NARS2: variants seen among roughly 807,000 people sequenced by gnomAD.
The protein encoded by NARS2 is asparaginyl-tRNA synthetase.
A neutral mutation model predicts 62.9 loss-of-function variants in NARS2; 60 were observed. The observed-to-expected ratio is 0.95, with a 90% confidence interval of 0.77 to 1.18. NARS2 has a LOEUF of 1.18. Among genes scored for constraint, NARS2 ranks in the 50% most tolerant of loss-of-function variants. The probability of loss-of-function intolerance (pLI) is 0.00; values close to 1 mark genes in which losing one functional copy is unlikely to be tolerated. For synonymous variants in NARS2, 196 were observed against 200.0 expected (o/e 0.98, Z 0.17); for missense variants, 619 against 576.4 (o/e 1.07, Z -0.76).
intron 5 of NARS2, among the ~76,000 whole-genome samples, chr11:78,538,558 C>A (rs980321514): frequency 2.0e-5 from 3 of 152,078 alleles, no homozygotes; most frequent in Non-Finnish European, 4.4e-5. Context: ...AAGAATGTAT[C>A]TGCTATACTA....
intron 6 of NARS2, among the ~76,000 whole-genome samples, chr11:78,505,054 T>C (rs1237497078): frequency 2.0e-5 from 3 of 151,130 alleles, no homozygotes; most frequent in Non-Finnish European, 4.4e-5. Flanking sequence ...TTTTACAATT[T>C]TGACTTAAAA....
chr11:78,497,119 G>A (rs552751258), intron 6 of NARS2, among the ~76,000 whole-genome samples: 106 of 151,042 alleles, frequency 7.0e-4, no homozygotes, highest in African/African-American at 2.5e-3. Flanking sequence ...ATGAAGAGAG[G>A]AAAGCTATAT....
chr11:78,436,541 A>T lies in NARS2; in HGVS notation c.*129T>A, dbSNP rs973128003. 2 of 1,107,024 alleles carry T rather than the reference A, an allele frequency of 1.8e-6. No individual in the cohort carries two copies. Among genetic ancestry groups the T allele is most frequent in the Non-Finnish European group, 2.6e-6 (2 of 782,820 alleles). 68.6% of individuals were successfully genotyped at this position (1,107,024 alleles called of 1,614,324 possible). ...CACAACCACTTATATTTTTTCTATG[A>T]TATCTTATGGCACAACAATTACATA... On this transcript the variant is annotated 3_prime_UTR_variant, in exon 14 of 14. Transcript: ENST00000281038.
At chr11:78,502,715 G>A (rs772891275) in intron 6 of NARS2, among the ~76,000 whole-genome samples, 22 of 152,164 alleles carry the variant, frequency 1.4e-4, no homozygotes, top group Non-Finnish European at 1.6e-4. Flanking sequence ...CTGAGGCCAG[G>A]CGCGGCGCCT....
chr11:78,470,991 T>C (rs1179301972), intron 9 of NARS2, among the ~76,000 whole-genome samples: 1 of 151,400 alleles, frequency 6.6e-6, no homozygotes, highest in Non-Finnish European at 1.5e-5. Context: ...AAAAATGAAG[T>C]TCATATCCAT....
chr11:78,533,622 T>C (rs1286261656), intron 5 of NARS2, among the ~76,000 whole-genome samples: 1 of 152,206 alleles, frequency 6.6e-6, no homozygotes, highest in African/African-American at 2.4e-5. Flanking sequence ...CAAGGGGAAC[T>C]GTACCTCCTG....
chr11:78,439,981 A>G (rs1244280243), intron 13 of NARS2, among the ~76,000 whole-genome samples: 1 of 152,210 alleles, frequency 6.6e-6, no homozygotes, highest in Non-Finnish European at 1.5e-5. Context: ...TCGTGGGGGC[A>G]TTAGGGATCA....
intron 11 of NARS2, among the ~76,000 whole-genome samples, chr11:78,457,811 C>CACACACACACACACACAA (rs1565210255): frequency 1.3e-5 from 2 of 151,696 alleles, no homozygotes; most frequent in African/African-American, 2.4e-5. Flanking sequence ...CACACACACA[C>CACACACACACACACACAA]ACACACACAC....
intron 6 of NARS2, among the ~76,000 whole-genome samples, chr11:78,510,565 A>G (rs1860682848): frequency 6.6e-6 from 1 of 152,136 alleles, no homozygotes; most frequent in South Asian, 2.1e-4. Flanking sequence ...GATAACTAAA[A>G]AGAGAGAGAG....
chr11:78,505,994 T>C (rs1037224423), intron 6 of NARS2, among the ~76,000 whole-genome samples: 2 of 152,020 alleles, frequency 1.3e-5, no homozygotes, highest in Non-Finnish European at 2.9e-5. Flanking sequence ...TAAAGAACTC[T>C]TACAACCCAA....
rs1565290885 is a variant in NARS2, at chr11:78,568,655, C to CT, written c.348dup (p.Val117SerfsTer6). ...ACCTTGGCATCACAATTTCCAATAA[C>CT]TTTAATTTTTTCTGCCTTCAGTTCC... On this transcript the variant is annotated frameshift_variant, in exon 3 of 14. Coordinates refer to ENST00000281038, the MANE Select transcript of NARS2 (RefSeq NM_024678.6). LOFTEE classifies it high-confidence loss of function. 6.2e-6 allele frequency: 10 copies of CT among 1,612,672 alleles called. No individual in the cohort carries two copies. Among genetic ancestry groups the CT allele is most frequent in the Admixed American group, 1.7e-5 (1 of 59,882 alleles).
chr11:78,496,686 T>A (rs934063759), intron 6 of NARS2, among the ~76,000 whole-genome samples: 1 of 152,102 alleles, frequency 6.6e-6, no homozygotes, highest in African/African-American at 2.4e-5. Context: ...TTGTTTTACG[T>A]GTTAAAATAC....
intron 11 of NARS2, among the ~76,000 whole-genome samples, chr11:78,453,379 G>C (rs1248443627): frequency 6.6e-6 from 1 of 151,920 alleles, no homozygotes; most frequent in Non-Finnish European, 1.5e-5. Context: ...AACAAACCCT[G>C]ATTTCTATTT....
At chr11:78,515,314 C>G (rs1860864767) in intron 6 of NARS2, among the ~76,000 whole-genome samples, 1 of 152,070 alleles carries the variant, frequency 6.6e-6, no homozygotes, top group African/African-American at 2.4e-5. Flanking sequence ...TCAGCATCAC[C>G]TGGTGGCCTG....
intron 13 of NARS2, among the ~76,000 whole-genome samples, chr11:78,439,195 G>A (rs1195662859): frequency 1.3e-5 from 2 of 151,954 alleles, no homozygotes; most frequent in African/African-American, 2.4e-5. Flanking sequence ...CTGTCACCAC[G>A]CTGGGCTAAT....
In NARS2 at chr11:78,502,289, A is replaced by G. The variant is rs188914292; in HGVS notation, c.690-9094T>C. 1.9e-3 allele frequency among the ~76,000 whole-genome samples: 289 copies of G among 152,308 alleles called. 1 individual carries two copies. The highest frequency in any genetic ancestry group is 3.2e-3 in the Admixed American group (49 of 15,304). On this transcript the variant is annotated intron_variant, in intron 6 of 13. Coordinates refer to ENST00000281038, the MANE Select transcript of NARS2 (RefSeq NM_024678.6). ...CTAGAGGCCGGAAATCCAAGACCAA[A>G]GTGACAGCAGGGTTGGTTTCTGGTG...
intron 5 of NARS2, among the ~76,000 whole-genome samples, chr11:78,558,895 T>G (rs1856460346): frequency 6.6e-6 from 1 of 152,220 alleles, no homozygotes; most frequent in Non-Finnish European, 1.5e-5. Context: ...CCACAAATAT[T>G]AACTGTGGAT....
At chr11:78,495,280 CT>C (rs1352354077) in intron 6 of NARS2, among the ~76,000 whole-genome samples, 1 of 152,066 alleles carries the variant, frequency 6.6e-6, no homozygotes, top group Non-Finnish European at 1.5e-5. Context: ...CATGCATGTC[CT>C]TTAGTTTTTG....
At chr11:78,470,070 G>A (rs886671075) in intron 9 of NARS2, among the ~76,000 whole-genome samples, 4 of 152,146 alleles carry the variant, frequency 2.6e-5, no homozygotes, top group African/African-American at 4.8e-5. Flanking sequence ...GGCAGTCAGC[G>A]TGACTAGAGC....
Sources: allele counts gnomAD v4.1 joint callset (sites outside exome capture counted in the v4.1 genomes callset), GRCh38; gene constraint gnomAD v4.1.1; transcripts MANE v1.5; gene names NCBI Gene and HGNC (gene_info 2026-07-23, HGNC 2026-07-21).